The following ZNF263 variants were observed in gnomAD, a reference collection of about 807,000 sequenced individuals.
The protein encoded by ZNF263 is zinc finger protein 263.
In ZNF263, 49 loss-of-function variants were observed where a neutral mutation model predicts 63.1. The ratio of observed to expected loss-of-function variants is 0.78; its 90% CI spans 0.62 to 0.99. The LOEUF (loss-of-function observed/expected upper bound fraction) is 0.99. ZNF263 is among the 50% of genes least tolerant of loss of function. The probability of loss-of-function intolerance (pLI) is 0.00; values close to 1 mark genes in which losing one functional copy is unlikely to be tolerated. For missense variants in ZNF263, 872 were observed against 854.8 expected (o/e 1.02, Z -0.25); for synonymous variants, 352 against 324.2 (o/e 1.09, Z -0.92).
rs758135392 is a variant in ZNF263 at position 3,285,755 on chromosome 16, G to T, written c.642+1G>T. 1 of 1,614,126 alleles carries T rather than the reference G, an allele frequency of 6.2e-7. No individual in the cohort carries two copies. The highest frequency in any genetic ancestry group is 1.3e-5 in the African/African-American group (1 of 75,030). On this transcript the variant is annotated splice_donor_variant, in intron 3 of 5. Coordinates refer to ENST00000219069, the MANE Select transcript of ZNF263 (RefSeq NM_005741.5). LOFTEE classifies it high-confidence loss of function. ...AGACAAGGAGATGACTGGGCCCCAG[G>T]TGATGTGGAAGTTTCCATTGTCTCC...
At chr16:3,287,979 C>T (rs1447034061) in intron 4 of ZNF263, among the ~76,000 whole-genome samples, 1 of 151,398 alleles carries the variant, frequency 6.6e-6, no homozygotes, top group Non-Finnish European at 1.5e-5. Context: ...TGGCCGGGCG[C>T]AGTGGCTCAC....
rs776835539 is a variant in ZNF263, at chr16:3,289,663, A to G, written c.1157A>G (p.Asn386Ser). The change falls in exon 6 of 6, where the codon AAT becomes AGT. Residue 386 changes from asparagine to serine, a missense_variant. Coordinates refer to ENST00000219069, the MANE Select transcript of ZNF263 (RefSeq NM_005741.5). ...KLHLCPLCGKNFSNNSNLIRH... is the reference protein window; with the variant it reads ...KLHLCPLCGKSFSNNSNLIRH... ...CATTTATGTCCCTTGTGTGGCAAAA[A>G]TTTCTCTAACAACTCAAACCTAATT... 1.2e-6 allele frequency: 2 copies of G among 1,614,220 alleles called. No homozygotes were observed. Among genetic ancestry groups the G allele is most frequent in the African/African-American group, 1.3e-5 (1 of 75,052 alleles).
downstream of ZNF263, chr16:3,293,440 C>A (rs1260183185): frequency 2.0e-5 from 3 of 152,228 alleles, no homozygotes; most frequent in African/African-American, 4.8e-5. Flanking sequence ...AGTGTGAGAA[C>A]TAGGTCACTG....
intron 2 of ZNF263, chr16:3,300,331 C>A (rs765003557): frequency 1.8e-5 from 29 of 1,614,240 alleles, no homozygotes; most frequent in Non-Finnish European, 2.3e-5. Context: ...TACCGGAACA[C>A]CGGCTGAGCG....
In ZNF263 at chr16:3,290,010, AG is replaced by A; in HGVS notation, c.1505del (p.Ser502IlefsTer54). 6.2e-7 allele frequency: 1 copy of A among 1,614,186 alleles called. No individual in the cohort carries two copies. On this transcript the variant is annotated frameshift_variant, in exon 6 of 6. Coordinates refer to ENST00000219069, the MANE Select transcript of ZNF263 (RefSeq NM_005741.5). LOFTEE classifies it high-confidence loss of function. ...TGAGTGTGGGGAGATCTTTGCTCAC[AG>A]TTCCAACCTCCTTCGGCACCAGAGA... Reference protein sequence around the residue: ...CPECGEIFAHSSNLLRHQRIH... With the variant: ...CPECGEIFAHXSNLLRHQRIH...
Position 3,291,130 on chromosome 16 carries a change from A to G in ZNF263, c.*572A>G. 2 of 986,758 alleles carry G rather than the reference A, an allele frequency of 2.0e-6. No individual in the cohort carries two copies. Among genetic ancestry groups the G allele is most frequent in the Non-Finnish European group, 2.4e-6 (2 of 830,838 alleles). 61.1% of individuals were successfully genotyped at this position (986,758 alleles called of 1,614,324 possible). Reference sequence around the variant, plus strand: ...CTACGATGGCCTAACAGGAGTGCCCATTGGCAGATTACACATGTAAATATG... The same window carrying G: ...CTACGATGGCCTAACAGGAGTGCCCGTTGGCAGATTACACATGTAAATATG... On this transcript the variant is annotated 3_prime_UTR_variant, in exon 6 of 6. Transcript: ENST00000219069.
Position 3,285,738 on chromosome 16 carries a change from A to C in ZNF263, c.626A>C (p.Glu209Ala). The C allele has an allele frequency of 1.2e-6, 2 of 1,614,118 alleles. No individual in the cohort carries two copies. Among genetic ancestry groups the C allele is most frequent in the African/African-American group, 2.7e-5 (2 of 75,022 alleles). The part of the protein sequence containing the change: ...FPPEGNMEDK[E>A]MTGPQLPESL... ...CCTGAAGGGAACATGGAAGACAAGGAGATGACTGGGCCCCAGGTGATGTGG... is the reference window on the plus strand; with the variant it reads ...CCTGAAGGGAACATGGAAGACAAGGCGATGACTGGGCCCCAGGTGATGTGG... Residue 209 changes from glutamate (E) to alanine (A), a missense_variant, in exon 3 of 6, where the codon GAG becomes GCG. Coordinates refer to ENST00000219069, the MANE Select transcript of ZNF263 (RefSeq NM_005741.5).
intron 2 of ZNF263, chr16:3,299,701 T>C: frequency 6.5e-7 from 1 of 1,538,024 alleles, no homozygotes; most frequent in South Asian, 1.3e-5. Flanking sequence ...GGTTAGGGAT[T>C]CAGAGGAAGG....
At chr16:3,299,743 G>C in intron 2 of ZNF263, 3 of 1,543,904 alleles carry the variant, frequency 1.9e-6, no homozygotes, top group Non-Finnish European at 2.6e-6. Flanking sequence ...AAGTAACAAT[G>C]CCCTGACGTC....
At chr16:3,295,979 T>C (rs1959735527), downstream of ZNF263, among the ~76,000 whole-genome samples, 1 of 152,182 alleles carries the variant, frequency 6.6e-6, no homozygotes, top group Admixed American at 6.5e-5. Context: ...TCCAGGGACC[T>C]TGCAGCTTGC....
At position 3,285,051 on chromosome 16, in the gene ZNF263, G is replaced by C; in HGVS notation, c.388-8G>C. 6.2e-7 allele frequency: 1 copy of C among 1,613,942 alleles called. No homozygotes were observed. The highest frequency in any genetic ancestry group is 8.5e-7 in the Non-Finnish European group (1 of 1,179,890). On this transcript the variant is annotated splice_region_variant and splice_polypyrimidine_tract_variant and intron_variant, in intron 1 of 5. Transcript: ENST00000219069. ...TTGTGATGATGAGTGATGTGGGTTGGTTCCCAGGTCACAAACCATGGGCGG... is the reference window on the plus strand; with the variant it reads ...TTGTGATGATGAGTGATGTGGGTTGCTTCCCAGGTCACAAACCATGGGCGG...
intron 1 of ZNF263, 134 bp downstream of exon 1, chr16:3,284,339 G>A: frequency 7.5e-7 from 1 of 1,342,218 alleles, no homozygotes. Context: ...GATTTAACCT[G>A]GAACACTCAT....
intron 4 of ZNF263, among the ~76,000 whole-genome samples, chr16:3,287,542 T>A (rs547327145): frequency 2.0e-4 from 30 of 151,626 alleles, no homozygotes; most frequent in Non-Finnish European, 3.7e-4. Context: ...TACTTTTCAC[T>A]GCTGTGATGT....
downstream of ZNF263, among the ~76,000 whole-genome samples, chr16:3,296,161 CTCAT>C (rs1959738857): frequency 1.3e-5 from 2 of 152,200 alleles, no homozygotes; most frequent in Admixed American, 6.5e-5. Context: ...GTGGTTTGTT[CTCAT>C]TCATTTTCTT....
chr16:3,285,023 C>A, intron 1 of ZNF263, 36 bp from the exon 2 acceptor site: 1 of 1,611,282 alleles, frequency 6.2e-7, no homozygotes, highest in Non-Finnish European at 8.5e-7. Flanking sequence ...CTCTTGGGCC[C>A]TGTTGTGATG....
intron 2 of ZNF263, chr16:3,300,499 T>A: frequency 6.2e-7 from 1 of 1,614,150 alleles, no homozygotes; most frequent in East Asian, 2.2e-5. Context: ...AAATGTTGAC[T>A]TACTGATTCC....
rs1959235489 is a variant in ZNF263, at chr16:3,283,753, G to A, written c.-66G>A. Reference sequence around the variant, plus strand: ...CTGCTGGCGCCGTCCAACCTTACATGGGTTCAGGGCGCCTTCGTAGGCGGG... The same window carrying A: ...CTGCTGGCGCCGTCCAACCTTACATAGGTTCAGGGCGCCTTCGTAGGCGGG... On this transcript the variant is annotated 5_prime_UTR_variant, in exon 1 of 6. An upstream start codon of the reference 5' UTR is lost. Transcript: ENST00000219069. The A allele has an allele frequency of 3.1e-5, 46 of 1,465,500 alleles. No individual in the cohort carries two copies. Among genetic ancestry groups the A allele is most frequent in the Non-Finnish European group, 4.0e-5 (44 of 1,113,392 alleles). 90.8% of individuals were successfully genotyped at this position (1,465,500 alleles called of 1,614,324 possible).
chr16:3,299,278 T>C (rs1959860504), intron 2 of ZNF263: 1 of 1,611,180 alleles, frequency 6.2e-7, no homozygotes, highest in African/African-American at 1.3e-5. Context: ...ACAACCCTTT[T>C]CTTCATCTCC....
At position 3,283,718 on chromosome 16, in the gene ZNF263, C is replaced by T; in HGVS notation, c.-101C>T. ...CTCGGCCTGGACTGGGAGCCCCCGG[C>T]CCCGGGCTCCTGCTGGCGCCGTCCA... On this transcript the variant is annotated 5_prime_UTR_variant, in exon 1 of 6. Coordinates refer to ENST00000219069, the MANE Select transcript of ZNF263 (RefSeq NM_005741.5). 1 of 1,401,726 alleles carries T rather than the reference C, an allele frequency of 7.1e-7. No homozygotes were observed. Among genetic ancestry groups the T allele is most frequent in the South Asian group, 1.7e-5 (1 of 58,940 alleles). 86.8% of individuals were successfully genotyped at this position (1,401,726 alleles called of 1,614,324 possible).
Sources: gnomAD v4.1 joint callset for allele counts (sites outside exome capture counted in the v4.1 genomes callset) on GRCh38, gnomAD v4.1.1 for gene constraint, MANE v1.5 for transcripts, NCBI Gene and HGNC (gene_info 2026-07-23, HGNC 2026-07-21) for gene names.